Variants in CNNM3 observed in about 807,000 individuals in gnomAD.
CNNM3 encodes the protein metal transporter CNNM3.
A neutral mutation model predicts 57.1 loss-of-function variants in CNNM3; 47 were observed. The ratio of observed to expected loss-of-function variants is 0.82; its 90% CI spans 0.65 to 1.05. The LOEUF (loss-of-function observed/expected upper bound fraction) is 1.05, where lower values mean the gene tolerates loss of function less well. Ranked by LOEUF, CNNM3 falls within the 50% of genes least tolerant of loss-of-function variation. The pLI, the probability that CNNM3 is intolerant of heterozygous loss-of-function variation, is 0.00. For missense variants in CNNM3, 957 were observed against 973.7 expected (o/e 0.98, Z 0.23); for synonymous variants, 507 against 478.2 (o/e 1.06, Z -0.79).
At chr2:96,828,816 C>T in intron 6 of CNNM3, 116 bp downstream of exon 6, 3 of 1,489,998 alleles carry the variant, frequency 2.0e-6, no homozygotes, top group Non-Finnish European at 2.8e-6. Flanking sequence ...CTGAGGGACA[C>T]AGACCTTTGC....
In CNNM3 at chr2:96,832,533, C is replaced by T. The variant is rs765323251; in HGVS notation, c.2060-19C>T. On this transcript the variant is annotated intron_variant, in intron 7 of 7. Transcript: ENST00000305510. The stretch of plus-strand genomic sequence containing the variant: ...TTTACCAGCTTTGATGTTAATTCTC[C>T]TTCCCTTGTCTCCTGTAGGGTCCAG... 2.8e-5 allele frequency: 45 copies of T among 1,613,960 alleles called. No homozygotes were observed. The highest frequency in any genetic ancestry group is 3.6e-5 in the Non-Finnish European group (42 of 1,179,942).
At chr2:96,828,835 T>C (rs1002858030) in intron 6 of CNNM3, 135 bp downstream of exon 6, 2 of 1,480,116 alleles carry the variant, frequency 1.4e-6, no homozygotes, top group East Asian at 4.6e-5. Flanking sequence ...GCACCCAGTT[T>C]CCAAGCAAGG....
At chr2:96,829,752 T>C (rs542776926) in intron 7 of CNNM3, among the ~76,000 whole-genome samples, 1 of 152,296 alleles carries the variant, frequency 6.6e-6, no homozygotes, top group African/African-American at 2.4e-5. Context: ...TAGAATGGAT[T>C]GACTTAATCA....
At chr2:96,836,201 G>T (rs1351366223), downstream of CNNM3, among the ~76,000 whole-genome samples, 1 of 147,246 alleles carries the variant, frequency 6.8e-6, no homozygotes, top group South Asian at 2.1e-4. Context: ...TCCCTCTTCA[G>T]CTCCCCATGT....
chr2:96,830,262 G>A (rs1310164784), intron 7 of CNNM3, among the ~76,000 whole-genome samples: 2 of 147,456 alleles, frequency 1.4e-5, no homozygotes, highest in East Asian at 4.3e-4. Flanking sequence ...GCCCCACCAC[G>A]AGGAAGACAA....
Position 96,816,963 on chromosome 2 carries a change from CG to C in CNNM3, c.690del (p.Leu231SerfsTer13). 1 of 1,335,842 alleles carries C rather than the reference CG, an allele frequency of 7.5e-7. No homozygotes were observed. Among genetic ancestry groups the C allele is most frequent in the South Asian group, 1.5e-5 (1 of 67,612 alleles). 82.7% of individuals were successfully genotyped at this position (1,335,842 alleles called of 1,614,324 possible). A position where few individuals can be genotyped will look rare whatever the true frequency, so the allele number is the denominator to read the frequency against. ...QRAVPAVLGSAGLVFLVGEVV... is the reference protein window; with the variant it reads ...QRAVPAVLGSXGLVFLVGEVV... ...GCGGTGCCCGCCGTGTTGGGCAGCG[CG>C]GGGCTCGTGTTCCTGGTGGGAGAGG... On this transcript the variant is annotated frameshift_variant, in exon 1 of 8. Transcript: ENST00000305510. LOFTEE classifies it high-confidence loss of function.
chr2:96,835,496 TCTCA>T (rs1338116406), downstream of CNNM3, among the ~76,000 whole-genome samples: 43 of 145,232 alleles, frequency 3.0e-4, no homozygotes, highest in African/African-American at 1.0e-3. Flanking sequence ...TGAGACGGAG[TCTCA>T]CTCTTTTGCC....
rs993255539 is a variant in CNNM3, at chr2:96,834,551, G to A, written c.*1935G>A. Among the ~76,000 whole-genome samples, 6 of 151,686 alleles carry A rather than the reference G, an allele frequency of 4.0e-5. No individual in the cohort carries two copies. The highest frequency in any genetic ancestry group is 9.7e-5 in the African/African-American group (4 of 41,234). Reference sequence around the variant, plus strand: ...TTTTGTAGAGATAGGGTCTCATTATGTTGCCTGGGGTAGTCTCGAACTCCT... The same window carrying A: ...TTTTGTAGAGATAGGGTCTCATTATATTGCCTGGGGTAGTCTCGAACTCCT... On this transcript the variant is annotated 3_prime_UTR_variant, in exon 8 of 8. Transcript: ENST00000305510.
In CNNM3 at chr2:96,833,780, A is replaced by C. The variant is rs2079645057; in HGVS notation, c.*1164A>C. The C allele has an allele frequency of 6.6e-6, 1 of 152,244 alleles. No individual in the cohort carries two copies. Among genetic ancestry groups the C allele is most frequent in the East Asian group, 1.9e-4 (1 of 5,202 alleles). 9.4% of individuals were successfully genotyped at this position (152,244 alleles called of 1,614,324 possible). ...GATTTCTGGAACTTTTCTCAAAGGAATTTGGACCCTTATAAATGGGACTGA... is the reference window on the plus strand; with the variant it reads ...GATTTCTGGAACTTTTCTCAAAGGACTTTGGACCCTTATAAATGGGACTGA... On this transcript the variant is annotated 3_prime_UTR_variant, in exon 8 of 8. Coordinates refer to ENST00000305510, the MANE Select transcript of CNNM3 (RefSeq NM_017623.5).
At chr2:96,831,041 C>G (rs2153356564) in intron 7 of CNNM3, among the ~76,000 whole-genome samples, 1 of 152,250 alleles carries the variant, frequency 6.6e-6, no homozygotes, top group Middle Eastern at 3.4e-3. Flanking sequence ...AGACCTAATC[C>G]CAAAATAATG....
chr2:96,829,001 G>C lies in CNNM3; in HGVS notation c.1926G>C (p.Thr642=), dbSNP rs200572566. Residue 642 remains threonine (T), a synonymous_variant, in exon 7 of 8, where the codon ACG becomes ACC. Coordinates refer to ENST00000305510, the MANE Select transcript of CNNM3 (RefSeq NM_017623.5). The part of the protein sequence containing the change: ...ALSDLQLIKV[T]RLQYLNALLA... ...GTAACGCTGTCATCCTCCAGGTTAC[G>C]CGACTGCAGTACCTCAATGCACTCC... 25 of 1,613,646 alleles carry C rather than the reference G, an allele frequency of 1.5e-5. No individual in the cohort carries two copies. The highest frequency in any genetic ancestry group is 1.7e-4 in the Middle Eastern group (1 of 6,060).
At position 96,817,184 on chromosome 2, in the gene CNNM3, G is replaced by T; in HGVS notation, c.907G>T (p.Asp303Tyr). ...LARGGGDPYS[D>Y]LSKGVLRCRT... ...GCGCGGCGGCGGCGACCCCTACAGCGATCTCAGCAAGGGCGTGCTGCGCTG... is the reference window on the plus strand; with the variant it reads ...GCGCGGCGGCGGCGACCCCTACAGCTATCTCAGCAAGGGCGTGCTGCGCTG... The change falls in exon 1 of 8, where the codon GAT (aspartate) becomes TAT (tyrosine). Residue 303 changes from aspartate (D) to tyrosine (Y), a missense_variant. This residue lies in a region of CNNM3 where 491 missense variants were observed against 570.6 expected (regional missense o/e 0.86). Transcript: ENST00000305510. The T allele has an allele frequency of 6.4e-7, 1 of 1,560,060 alleles. No individual in the cohort carries two copies.
chr2:96,824,008 A>G (rs1019596572), intron 1 of CNNM3, among the ~76,000 whole-genome samples: 7 of 152,232 alleles, frequency 4.6e-5, no homozygotes, highest in African/African-American at 1.7e-4. Flanking sequence ...TTTTGACTAT[A>G]TTGGGTTACT....
In CNNM3 at chr2:96,817,198, C is replaced by T. The variant is rs1233947991; in HGVS notation, c.921C>T (p.Gly307=). Residue 307 remains glycine (G), a synonymous_variant, in exon 1 of 8, where the codon GGC becomes GGT. Transcript: ENST00000305510. Reference sequence around the variant, plus strand: ...ACCCCTACAGCGATCTCAGCAAGGGCGTGCTGCGCTGCCGGACCGTGGAGG... The same window carrying T: ...ACCCCTACAGCGATCTCAGCAAGGGTGTGCTGCGCTGCCGGACCGTGGAGG... The part of the protein sequence containing the change: ...GGDPYSDLSK[G]VLRCRTVEDV... 4.4e-6 allele frequency: 7 copies of T among 1,586,154 alleles called. No individual in the cohort carries two copies. The highest frequency in any genetic ancestry group is 2.2e-5 in the East Asian group (1 of 44,546).
At chr2:96,831,172 C>A (rs1327800408) in intron 7 of CNNM3, among the ~76,000 whole-genome samples, 11 of 152,214 alleles carry the variant, frequency 7.2e-5, no homozygotes, top group Admixed American at 6.5e-4. Context: ...ATTCTCTAGA[C>A]ACAATGTTGG....
At chr2:96,825,314 C>T (rs2079482014) in intron 2 of CNNM3, 113 bp downstream of exon 2, 4 of 1,320,822 alleles carry the variant, frequency 3.0e-6, no homozygotes, top group African/African-American at 2.9e-5. Flanking sequence ...GCAAGATCCA[C>T]AGCCAGGCCC....
intron 7 of CNNM3, among the ~76,000 whole-genome samples, chr2:96,830,433 T>C (rs2079582572): frequency 6.6e-6 from 1 of 152,240 alleles, no homozygotes; most frequent in Admixed American, 6.5e-5. Flanking sequence ...CTGCTTCCTG[T>C]AGGCCTCCCG....
chr2:96,828,529 A>G, intron 5 of CNNM3, 38 bp from the exon 6 acceptor site: 1 of 1,613,260 alleles, frequency 6.2e-7, no homozygotes, highest in Non-Finnish European at 8.5e-7. Context: ...CCCAGCTGCC[A>G]GCATGGCTCC....
intron 7 of CNNM3, 135 bp downstream of exon 7, chr2:96,829,269 T>C: frequency 8.3e-7 from 1 of 1,204,216 alleles, no homozygotes; most frequent in Non-Finnish European, 1.1e-6. Flanking sequence ...TTTCCCTTCT[T>C]TATATATATA....
Sources: allele counts gnomAD v4.1 joint callset (sites outside exome capture counted in the v4.1 genomes callset), GRCh38; gene constraint gnomAD v4.1.1; regional missense constraint gnomAD v4.1.1; transcripts MANE v1.5; gene names NCBI Gene and HGNC (gene_info 2026-07-23, HGNC 2026-07-21).